The following GRAMD2B variants were observed in gnomAD, a reference collection of about 807,000 sequenced individuals.
GRAMD2B encodes GRAM domain-containing protein 2B.
A neutral mutation model predicts 59.2 loss-of-function variants in GRAMD2B; 41 were observed. The ratio of observed to expected loss-of-function variants is 0.69; its 90% CI spans 0.54 to 0.90. GRAMD2B has a LOEUF of 0.90. GRAMD2B is among the 40% of genes least tolerant of loss of function. The pLI is 0.00. For synonymous variants in GRAMD2B, 161 were observed against 182.7 expected, an observed-to-expected ratio of 0.88 and a Z score of 0.96; for missense variants, 424 against 500.5, an observed-to-expected ratio of 0.85 and a Z score of 1.46.
chr5:126,401,022 G>A (rs916577719), intron 1 of GRAMD2B, among the ~76,000 whole-genome samples: 1 of 152,054 alleles, frequency 6.6e-6, no homozygotes, highest in Admixed American at 6.6e-5. Context: ...TTAAAAATAA[G>A]CTTTCTTCCC....
intron 1 of GRAMD2B, among the ~76,000 whole-genome samples, chr5:126,388,761 GA>G (rs1024445599): frequency 1.1e-3 from 172 of 150,904 alleles, no homozygotes; most frequent in African/African-American, 4.0e-3. Context: ...CTTCTTAAGA[GA>G]AAAAAAACCT....
intron 1 of GRAMD2B, among the ~76,000 whole-genome samples, chr5:126,412,450 G>A (rs540686849): frequency 2.0e-5 from 3 of 152,216 alleles, no homozygotes; most frequent in African/African-American, 7.2e-5. Flanking sequence ...TGCATCCCAG[G>A]AATTAAGCCT....
At chr5:126,464,831 T>G (rs899031610) in intron 1 of GRAMD2B, among the ~76,000 whole-genome samples, 2 of 152,070 alleles carry the variant, frequency 1.3e-5, no homozygotes, top group Non-Finnish European at 2.9e-5. Flanking sequence ...AGTTTGAATC[T>G]CAAGTAAGAT....
At chr5:126,432,079 C>T (rs1004375773) in intron 1 of GRAMD2B, among the ~76,000 whole-genome samples, 1 of 152,144 alleles carries the variant, frequency 6.6e-6, no homozygotes, top group African/African-American at 2.4e-5. Context: ...CAGGCGTGCA[C>T]CACCAGGCCT....
intron 1 of GRAMD2B, among the ~76,000 whole-genome samples, chr5:126,396,808 T>C (rs1757399227): frequency 6.6e-6 from 1 of 152,222 alleles, no homozygotes; most frequent in Non-Finnish European, 1.5e-5. Flanking sequence ...GTCTAAGCAG[T>C]CCTTTTTCTC....
chr5:126,390,349 A>G (rs940262163), intron 1 of GRAMD2B, among the ~76,000 whole-genome samples: 3 of 152,266 alleles, frequency 2.0e-5, no homozygotes, highest in Admixed American at 6.5e-5. Flanking sequence ...TGAAATGTCA[A>G]GTGACCTTTC....
chr5:126,384,309 ACT>A (rs1456313405), intron 1 of GRAMD2B, among the ~76,000 whole-genome samples: 3 of 152,026 alleles, frequency 2.0e-5, no homozygotes, highest in African/African-American at 4.8e-5. Flanking sequence ...TATGAGCCTA[ACT>A]CTCCAAACTA....
At chr5:126,376,111 T>A (rs943511483) in intron 1 of GRAMD2B, among the ~76,000 whole-genome samples, 6 of 152,214 alleles carry the variant, frequency 3.9e-5, no homozygotes, top group African/African-American at 1.4e-4. Context: ...ATCAAAAACC[T>A]CTATTGGATC....
intron 1 of GRAMD2B, among the ~76,000 whole-genome samples, chr5:126,450,378 A>T (rs1033950855): frequency 3.8e-4 from 58 of 152,232 alleles, no homozygotes; most frequent in African/African-American, 1.4e-3. Flanking sequence ...TTCTAGCATA[A>T]TATATTCTCT....
At chr5:126,367,826 AC>A (rs1273178230), upstream of GRAMD2B, among the ~76,000 whole-genome samples, 1 of 152,150 alleles carries the variant, frequency 6.6e-6, no homozygotes, top group Non-Finnish European at 1.5e-5. Context: ...ATCTCGGCTC[AC>A]TGCGAGCTCC....
intron 1 of GRAMD2B, among the ~76,000 whole-genome samples, chr5:126,384,176 G>A (rs1304026390): frequency 6.6e-6 from 1 of 152,090 alleles, no homozygotes; most frequent in African/African-American, 2.4e-5. Context: ...AAGAAGAATA[G>A]ATTCTTCTTG....
intron 1 of GRAMD2B, among the ~76,000 whole-genome samples, chr5:126,454,029 A>G (rs4276403): frequency 0.31 from 47,659 of 152,172 alleles, 7,893 homozygotes; most frequent in East Asian, 0.6. Context: ...TTTGTTCAGA[A>G]TCTGGTATGA....
At chr5:126,375,722 A>G (rs1016575245) in intron 1 of GRAMD2B, among the ~76,000 whole-genome samples, 3 of 152,144 alleles carry the variant, frequency 2.0e-5, no homozygotes, top group Non-Finnish European at 4.4e-5. Context: ...CACTAGTATA[A>G]TGTTGAGTAG....
intron 1 of GRAMD2B, among the ~76,000 whole-genome samples, chr5:126,444,125 A>C (rs184432775): frequency 6.6e-6 from 1 of 151,898 alleles, no homozygotes; most frequent in Non-Finnish European, 1.5e-5. Context: ...GTCCTGGCCT[A>C]CCTTTTCCAA....
upstream of GRAMD2B, among the ~76,000 whole-genome samples, chr5:126,366,606 A>G (rs1754447638): frequency 6.6e-6 from 1 of 152,176 alleles, no homozygotes; most frequent in Non-Finnish European, 1.5e-5. Flanking sequence ...TCCCATTTTT[A>G]CAAAAGCTCA....
intron 1 of GRAMD2B, chr5:126,459,150 G>A (rs779852378): frequency 6.6e-6 from 1 of 152,090 alleles, no homozygotes; most frequent in Admixed American, 6.6e-5. Flanking sequence ...TTTCATTGAC[G>A]GTTTTGCTGA....
chr5:126,432,666 G>A (rs896489773), intron 1 of GRAMD2B, among the ~76,000 whole-genome samples: 1 of 152,060 alleles, frequency 6.6e-6, no homozygotes, highest in African/African-American at 2.4e-5. Flanking sequence ...TCCTCAAAGA[G>A]CCTACATTTA....
intron 1 of GRAMD2B, among the ~76,000 whole-genome samples, chr5:126,410,767 C>T (rs1046877587): frequency 1.3e-5 from 2 of 152,110 alleles, no homozygotes; most frequent in Non-Finnish European, 2.9e-5. Flanking sequence ...ACAGCCTCAC[C>T]AGCATCTGTT....
At chr5:126,418,085 T>A (rs1759409143) in intron 1 of GRAMD2B, among the ~76,000 whole-genome samples, 1 of 152,122 alleles carries the variant, frequency 6.6e-6, no homozygotes. Context: ...AGAGACTGCA[T>A]TGAAATAGCA....
Sources: gnomAD v4.1 joint callset for allele counts (sites outside exome capture counted in the v4.1 genomes callset) on GRCh38, gnomAD v4.1.1 for gene constraint, MANE v1.5 for transcripts, NCBI Gene and HGNC (gene_info 2026-07-23, HGNC 2026-07-21) for gene names.